GPC5: variants seen among roughly 807,000 people sequenced by gnomAD.
GPC5 encodes the protein glypican-5.
Under a neutral mutation model 53.9 loss-of-function variants are expected in GPC5, and 47 were observed. The ratio of observed to expected loss-of-function variants is 0.87; its 90% CI spans 0.69 to 1.11. GPC5 has a LOEUF of 1.11. Ranked by LOEUF, GPC5 falls within the 50% of genes most tolerant of loss-of-function variation. The probability of loss-of-function intolerance (pLI) is 0.00; values close to 1 mark genes in which losing one functional copy is unlikely to be tolerated. For missense variants in GPC5, 748 were observed against 713.1 expected, an observed-to-expected ratio of 1.05 and a Z score of -0.56; for synonymous variants, 286 against 263.3, an observed-to-expected ratio of 1.09 and a Z score of -0.84.
At chr13:92,142,985 C>T (rs560156587) in intron 6 of GPC5, among the ~76,000 whole-genome samples, 42 of 152,058 alleles carry the variant, frequency 2.8e-4, no homozygotes, top group African/African-American at 9.6e-4. Flanking sequence ...CAATATTGTA[C>T]TAGAATATAT....
chr13:91,815,802 CAT>C (rs1168355255), intron 5 of GPC5, among the ~76,000 whole-genome samples: 1 of 152,164 alleles, frequency 6.6e-6, no homozygotes, highest in Non-Finnish European at 1.5e-5. Flanking sequence ...TTGAGTTAGA[CAT>C]ATTTTATTTT....
Position 91,935,551 on chromosome 13 carries a change from A to AT in GPC5, c.1401+27500dup, listed in dbSNP as rs529359215. 5.9e-3 allele frequency among the ~76,000 whole-genome samples: 892 copies of AT among 151,948 alleles called. 13 individuals are homozygous for AT. The highest frequency in any genetic ancestry group is 0.02 in the African/African-American group (813 of 41,448). On this transcript the variant is annotated intron_variant, in intron 6 of 7. Coordinates refer to ENST00000377067, the MANE Select transcript of GPC5 (RefSeq NM_004466.6). ...GCCTCTAGAATTGTAAAGAAATGAT[A>AT]TTTTTTGTGGTTTATCAGGCATCTA... is the stretch of plus-strand genomic sequence containing the variant.
intron 7 of GPC5, among the ~76,000 whole-genome samples, chr13:92,787,098 G>A (rs879214992): frequency 6.6e-6 from 1 of 152,096 alleles, no homozygotes; most frequent in African/African-American, 2.4e-5. Context: ...ATGTATTATT[G>A]GATTTGAAAC....
At chr13:92,445,980 G>A (rs1025365221) in intron 7 of GPC5, among the ~76,000 whole-genome samples, 2 of 151,798 alleles carry the variant, frequency 1.3e-5, no homozygotes, top group Non-Finnish European at 2.9e-5. Context: ...TACATAGTAG[G>A]TATATATGTT....
intron 7 of GPC5, among the ~76,000 whole-genome samples, chr13:92,239,026 C>A (rs374409326): frequency 9.2e-5 from 14 of 151,436 alleles, no homozygotes; most frequent in African/African-American, 3.2e-4. Context: ...ATTATCTTAG[C>A]ACCTTGTTGA....
chr13:91,698,952 T>A (rs1796775932), intron 3 of GPC5, among the ~76,000 whole-genome samples: 1 of 152,236 alleles, frequency 6.6e-6, no homozygotes, highest in Non-Finnish European at 1.5e-5. Context: ...AACTATTGCA[T>A]ATAATTTCAG....
At chr13:92,174,222 T>C (rs1475143028) in intron 7 of GPC5, among the ~76,000 whole-genome samples, 2 of 151,732 alleles carry the variant, frequency 1.3e-5, no homozygotes, top group African/African-American at 4.8e-5. Flanking sequence ...ATATATTAAA[T>C]AGAAAGGCCA....
intron 7 of GPC5, among the ~76,000 whole-genome samples, chr13:92,577,408 A>ATGTGTGTG (rs1161636707): frequency 1.7e-5 from 2 of 118,174 alleles, no homozygotes; most frequent in African/African-American, 6.5e-5. Context: ...GAATGTAAGT[A>ATGTGTGTG]TGTATGTATA....
At chr13:91,661,589 C>T (rs1434196075) in intron 2 of GPC5, among the ~76,000 whole-genome samples, 1 of 152,154 alleles carries the variant, frequency 6.6e-6, no homozygotes, top group Non-Finnish European at 1.5e-5. Context: ...GAACCTTCTA[C>T]ATAGGGCTTG....
intron 7 of GPC5, among the ~76,000 whole-genome samples, chr13:92,249,951 A>C (rs540043828): frequency 1.3e-5 from 2 of 152,278 alleles, no homozygotes; most frequent in South Asian, 2.1e-4. Flanking sequence ...TAACAAAATC[A>C]TATTTTATAT....
chr13:91,850,874 C>T (rs1386170343), intron 5 of GPC5, among the ~76,000 whole-genome samples: 1 of 151,994 alleles, frequency 6.6e-6, no homozygotes, highest in African/African-American at 2.4e-5. Flanking sequence ...GGGCTCTATC[C>T]TTATTAACTG....
chr13:92,295,996 C>T (rs1594078205), intron 7 of GPC5, among the ~76,000 whole-genome samples: 1 of 152,208 alleles, frequency 6.6e-6, no homozygotes, highest in South Asian at 2.1e-4. Context: ...ATTCATCATG[C>T]TATTTGTTGC....
At chr13:92,516,785 A>G (rs991659429) in intron 7 of GPC5, among the ~76,000 whole-genome samples, 10 of 152,044 alleles carry the variant, frequency 6.6e-5, no homozygotes, top group African/African-American at 1.7e-4. Flanking sequence ...TGCATTTCCA[A>G]CTGAGGTACC....
At chr13:92,221,025 G>A (rs115072490) in intron 7 of GPC5, among the ~76,000 whole-genome samples, 2,763 of 152,158 alleles carry the variant, frequency 0.018, 75 homozygotes, top group African/African-American at 0.063. Flanking sequence ...AGTTCAGAGC[G>A]TTTGTGGTTC....
At chr13:92,602,605 T>C (rs1289272773) in intron 7 of GPC5, among the ~76,000 whole-genome samples, 2 of 152,152 alleles carry the variant, frequency 1.3e-5, no homozygotes, top group Non-Finnish European at 1.5e-5. Context: ...CCCTAGGTTC[T>C]TGCAGACTCT....
chr13:91,483,021 C>T (rs1426544231), intron 2 of GPC5, among the ~76,000 whole-genome samples: 1 of 151,900 alleles, frequency 6.6e-6, no homozygotes, highest in Non-Finnish European at 1.5e-5. Context: ...AGTATTTTAC[C>T]TTATCCTTAA....
intron 6 of GPC5, among the ~76,000 whole-genome samples, chr13:92,072,592 T>A (rs1369861455): frequency 7.5e-5 from 6 of 80,346 alleles, no homozygotes; most frequent in African/African-American, 1.9e-4. Context: ...TTTTTTTTTT[T>A]ATACAGAGTC....
Position 92,796,387 on chromosome 13 carries a change from G to A in GPC5, c.1562-69895G>A, listed in dbSNP as rs9561160. Among the ~76,000 whole-genome samples the A allele has an allele frequency of 0.025, 3,841 of 152,096 alleles. 380 individuals are homozygous for A. The East Asian group carries it at 0.32, about 13-fold the overall frequency. ...GGGGTGGAGGCCTGAGGGAGGGATA[G>A]CATTAGGAGATATACCTAATGTAAA... is the stretch of plus-strand genomic sequence containing the variant. On this transcript the variant is annotated intron_variant, in intron 7 of 7. Coordinates refer to ENST00000377067, the MANE Select transcript of GPC5 (RefSeq NM_004466.6).
At chr13:92,728,345 T>C (rs1254425702) in intron 7 of GPC5, among the ~76,000 whole-genome samples, 1 of 151,476 alleles carries the variant, frequency 6.6e-6, no homozygotes, top group East Asian at 1.9e-4. Flanking sequence ...TTTCTATAGT[T>C]TTCTTATTAG....
Sources: gnomAD v4.1 joint callset for allele counts (sites outside exome capture counted in the v4.1 genomes callset) on GRCh38, gnomAD v4.1.1 for gene constraint, MANE v1.5 for transcripts, NCBI Gene and HGNC (gene_info 2026-07-23, HGNC 2026-07-21) for gene names.